DNER: variants seen among roughly 807,000 people sequenced by gnomAD.
The protein encoded by DNER is delta/notch like EGF repeat containing.
Under a neutral mutation model 78.2 loss-of-function variants are expected in DNER, and 33 were observed. The ratio of observed to expected loss-of-function variants is 0.42; its 90% CI spans 0.32 to 0.56. The LOEUF (loss-of-function observed/expected upper bound fraction) is 0.56. Among genes scored for constraint, DNER ranks in the 20% least tolerant of loss-of-function variants. The pLI, the probability that DNER is intolerant of heterozygous loss-of-function variation, is 0.11. For missense variants in DNER, 918 were observed against 975.3 expected, an observed-to-expected ratio of 0.94 and a Z score of 0.78; for synonymous variants, 417 against 384.8, an observed-to-expected ratio of 1.08 and a Z score of -0.98.
chr2:229,696,069 A>G (rs1034863653), intron 1 of DNER, among the ~76,000 whole-genome samples: 6 of 152,206 alleles, frequency 3.9e-5, no homozygotes, highest in African/African-American at 1.2e-4. Context: ...TGGGAAATTA[A>G]CAAGGCTTGG....
At chr2:229,438,303 A>G (rs1694164490) in intron 8 of DNER, among the ~76,000 whole-genome samples, 1 of 152,226 alleles carries the variant, frequency 6.6e-6, no homozygotes, top group Non-Finnish European at 1.5e-5. Context: ...ATCCACTTAA[A>G]GATCCATCTC....
At chr2:229,524,670 C>G (rs1362490983) in intron 5 of DNER, among the ~76,000 whole-genome samples, 1 of 152,146 alleles carries the variant, frequency 6.6e-6, no homozygotes, top group African/African-American at 2.4e-5. Flanking sequence ...TTAAGATTAC[C>G]CAGCCCTTCA....
At chr2:229,610,610 C>G (rs914739123) in intron 1 of DNER, among the ~76,000 whole-genome samples, 1 of 152,166 alleles carries the variant, frequency 6.6e-6, no homozygotes, top group Non-Finnish European at 1.5e-5. Flanking sequence ...GCGGTCCTTT[C>G]GTGATACTTA....
At chr2:229,369,819 G>A (rs1460942731) in intron 11 of DNER, among the ~76,000 whole-genome samples, 1 of 152,090 alleles carries the variant, frequency 6.6e-6, no homozygotes, top group Non-Finnish European at 1.5e-5. Context: ...AAGAAATTGT[G>A]GAAATTTTAA....
In DNER at chr2:229,675,230, G is replaced by A. The variant is rs141017645; in HGVS notation, c.276+38918C>T. Among the ~76,000 whole-genome samples, 704 of 152,260 alleles carry A rather than the reference G, an allele frequency of 4.6e-3. 2 individuals carry two copies. Among genetic ancestry groups the A allele is most frequent in the Admixed American group, 9.6e-3 (147 of 15,286 alleles). On this transcript the variant is annotated intron_variant, in intron 1 of 12. Transcript: ENST00000341772. ...AGTCCAAAAGCCTGTGGAAGGGGCCGCGTTGGTTTCACAGGACTCATTAGA... is the reference window on the plus strand; with the variant it reads ...AGTCCAAAAGCCTGTGGAAGGGGCCACGTTGGTTTCACAGGACTCATTAGA...
At chr2:229,436,861 C>T (rs935009062) in intron 8 of DNER, among the ~76,000 whole-genome samples, 1 of 152,204 alleles carries the variant, frequency 6.6e-6, no homozygotes, top group African/African-American at 2.4e-5. Flanking sequence ...GTACATAAAG[C>T]AGTGACACTA....
intron 5 of DNER, among the ~76,000 whole-genome samples, chr2:229,545,123 A>T (rs1696596869): frequency 6.6e-6 from 1 of 152,238 alleles, no homozygotes; most frequent in Non-Finnish European, 1.5e-5. Flanking sequence ...ATATGTGTAT[A>T]ACTAGAGACA....
intron 1 of DNER, among the ~76,000 whole-genome samples, chr2:229,628,843 C>T (rs765554394): frequency 1.6e-4 from 24 of 152,204 alleles, no homozygotes; most frequent in Non-Finnish European, 3.1e-4. Flanking sequence ...AAAGGTACTA[C>T]CCCTGGTCTA....
intron 10 of DNER, among the ~76,000 whole-genome samples, chr2:229,391,736 T>A (rs1420307306): frequency 6.6e-6 from 1 of 151,904 alleles, no homozygotes; most frequent in South Asian, 2.1e-4. Context: ...AGAGACGGGG[T>A]TTCACCATGT....
At chr2:229,510,067 T>C (rs1276011337) in intron 6 of DNER, among the ~76,000 whole-genome samples, 4 of 152,032 alleles carry the variant, frequency 2.6e-5, no homozygotes, top group Admixed American at 6.5e-5. Context: ...GGAGGAAGTA[T>C]TGTCCAAGCA....
At chr2:229,379,812 C>T (rs1224866197) in intron 11 of DNER, among the ~76,000 whole-genome samples, 3 of 152,160 alleles carry the variant, frequency 2.0e-5, no homozygotes, top group Non-Finnish European at 4.4e-5. Flanking sequence ...GAATCCTTTC[C>T]ACCAGCAGAT....
intron 4 of DNER, among the ~76,000 whole-genome samples, chr2:229,574,906 G>A (rs1697270819): frequency 6.6e-6 from 1 of 152,114 alleles, no homozygotes; most frequent in African/African-American, 2.4e-5. Flanking sequence ...TGCACTGACA[G>A]AAGCTAAGAA....
chr2:229,614,979 A>G (rs927480260), intron 1 of DNER, among the ~76,000 whole-genome samples: 2 of 152,322 alleles, frequency 1.3e-5, no homozygotes, highest in South Asian at 2.1e-4. Context: ...GATTAGCAGT[A>G]ACATTTATCA....
chr2:229,444,237 G>T (rs564891105), intron 8 of DNER, among the ~76,000 whole-genome samples: 1 of 152,254 alleles, frequency 6.6e-6, no homozygotes, highest in Admixed American at 6.5e-5. Flanking sequence ...AATCCTGCTG[G>T]AATCTCCACG....
chr2:229,488,389 TTTTGTG>T (rs1216522463), intron 6 of DNER, among the ~76,000 whole-genome samples: 1 of 152,206 alleles, frequency 6.6e-6, no homozygotes, highest in African/African-American at 2.4e-5. Flanking sequence ...TGTGTACATG[TTTTGTG>T]TTTGTGTATG....
intron 4 of DNER, among the ~76,000 whole-genome samples, chr2:229,581,203 T>G (rs1029398279): frequency 1.3e-5 from 2 of 152,232 alleles, no homozygotes; most frequent in African/African-American, 4.8e-5. Context: ...GCTCTCACCC[T>G]GAGATCGGCC....
At chr2:229,492,185 A>G (rs1695414989) in intron 6 of DNER, among the ~76,000 whole-genome samples, 1 of 152,216 alleles carries the variant, frequency 6.6e-6, no homozygotes, top group Admixed American at 6.5e-5. Context: ...TAATTATTGA[A>G]TGAATAAGCC....
At chr2:229,458,611 G>A (rs1694627495) in intron 7 of DNER, among the ~76,000 whole-genome samples, 1 of 149,824 alleles carries the variant, frequency 6.7e-6, no homozygotes, top group Non-Finnish European at 1.5e-5. Flanking sequence ...AAAATAGAAG[G>A]TAACACTTGC....
At chr2:229,391,471 A>G (rs1693014984) in intron 10 of DNER, among the ~76,000 whole-genome samples, 1 of 152,352 alleles carries the variant, frequency 6.6e-6, no homozygotes, top group South Asian at 2.1e-4. Flanking sequence ...GAGAAAATAC[A>G]AAATGAAATT....
Sources: gnomAD v4.1 joint callset for allele counts (sites outside exome capture counted in the v4.1 genomes callset) on GRCh38, gnomAD v4.1.1 for gene constraint, MANE v1.5 for transcripts, NCBI Gene and HGNC (gene_info 2026-07-23, HGNC 2026-07-21) for gene names.